The following LINGO2 variants were observed in gnomAD, a reference collection of about 807,000 sequenced individuals.
LINGO2 encodes leucine-rich repeat and immunoglobulin-like domain-containing nogo receptor-interacting protein 2.
Under a neutral mutation model 30.6 loss-of-function variants are expected in LINGO2, and 14 were observed. The observed-to-expected ratio is 0.46, with a 90% CI of 0.30 to 0.72. LINGO2 has a LOEUF of 0.72. Ranked by LOEUF, LINGO2 falls within the 30% of genes least tolerant of loss-of-function variation. The pLI, the probability that LINGO2 is intolerant of heterozygous loss-of-function variation, is 0.07. For synonymous variants in LINGO2, 317 were observed against 288.5 expected, an observed-to-expected ratio of 1.10 and a Z score of -1.00; for missense variants, 729 against 751.7, an observed-to-expected ratio of 0.97 and a Z score of 0.35.
the LINGO2 span, among the ~76,000 whole-genome samples, chr9:28,999,727 G>C: frequency 3.8e-4 from 58 of 151,998 alleles, no homozygotes; most frequent in African/African-American, 1.3e-3. Flanking sequence ...GGAAAAAATA[G>C]GGATAATTTT....
the LINGO2 span, among the ~76,000 whole-genome samples, chr9:28,934,283 T>A: frequency 4.6e-5 from 7 of 152,228 alleles, no homozygotes; most frequent in Admixed American, 3.9e-4. Flanking sequence ...AAAATAGAAC[T>A]TAAAGGCAAT....
chr9:28,798,708 T>A, the LINGO2 span, among the ~76,000 whole-genome samples: 21 of 152,254 alleles, frequency 1.4e-4, no homozygotes, highest in African/African-American at 4.6e-4. Flanking sequence ...CATGTTCAGC[T>A]GCACGGTTGC....
chr9:29,086,465 C>A, the LINGO2 span, among the ~76,000 whole-genome samples: 1 of 151,808 alleles, frequency 6.6e-6, no homozygotes, highest in Non-Finnish European at 1.5e-5. Flanking sequence ...TTAGTTCAGG[C>A]ATTATGAGTT....
intron 4 of LINGO2, among the ~76,000 whole-genome samples, chr9:28,086,096 A>G (rs1245702002): frequency 6.6e-6 from 1 of 152,128 alleles, no homozygotes; most frequent in Non-Finnish European, 1.5e-5. Context: ...GCATTTGGAC[A>G]AGGAGCTAGC....
At chr9:28,536,057 G>A (rs542833058) in intron 1 of LINGO2, among the ~76,000 whole-genome samples, 33 of 151,700 alleles carry the variant, frequency 2.2e-4, no homozygotes, top group African/African-American at 5.8e-4. Context: ...ATTTTTTTTG[G>A]TCACTTAAGA....
At chr9:28,221,287 C>G (rs10733427) in intron 4 of LINGO2, among the ~76,000 whole-genome samples, 112,151 of 130,032 alleles carry the variant, frequency 0.86, 48,564 homozygotes, top group Non-Finnish European at 0.9. Flanking sequence ...GTGACAGAGC[C>G]AGACCCCGTC....
chr9:28,230,042 CA>C (rs977480641), intron 4 of LINGO2, among the ~76,000 whole-genome samples: 38 of 151,426 alleles, frequency 2.5e-4, no homozygotes, highest in South Asian at 1.7e-3. Context: ...AAAAGAAAAC[CA>C]AAACTCAAAA....
At chr9:28,412,250 G>T (rs932129875) in intron 2 of LINGO2, among the ~76,000 whole-genome samples, 5 of 149,860 alleles carry the variant, frequency 3.3e-5, no homozygotes, top group Non-Finnish European at 5.9e-5. Flanking sequence ...TGGTGGGGTG[G>T]TATCTCATTG....
chr9:28,949,316 G>A, the LINGO2 span, among the ~76,000 whole-genome samples: 1 of 152,030 alleles, frequency 6.6e-6, no homozygotes, highest in Non-Finnish European at 1.5e-5. Flanking sequence ...ATAAATCCAG[G>A]AGCTGGGTTT....
intron 1 of LINGO2, among the ~76,000 whole-genome samples, chr9:28,515,491 C>G (rs950559242): frequency 6.6e-6 from 1 of 152,186 alleles, no homozygotes; most frequent in Non-Finnish European, 1.5e-5. Context: ...CAGGCGTGAA[C>G]CGCTGCGCCT....
intron 3 of LINGO2, among the ~76,000 whole-genome samples, chr9:28,345,008 A>G (rs1306878343): frequency 6.6e-6 from 1 of 152,088 alleles, no homozygotes; most frequent in Non-Finnish European, 1.5e-5. Flanking sequence ...GTGGTAGTTC[A>G]CTGACTCAAT....
chr9:28,437,939 T>C (rs993234544), intron 2 of LINGO2, among the ~76,000 whole-genome samples: 1 of 152,206 alleles, frequency 6.6e-6, no homozygotes, highest in East Asian at 1.9e-4. Flanking sequence ...CTTCCAAATG[T>C]ATTTCTTACA....
At chr9:28,054,033 A>G (rs1388204131) in intron 4 of LINGO2, among the ~76,000 whole-genome samples, 3 of 151,756 alleles carry the variant, frequency 2.0e-5, no homozygotes, top group Non-Finnish European at 4.4e-5. Context: ...CTGCATCTAC[A>G]GAGTACGTGG....
chr9:28,274,263 A>G (rs1284925542), intron 4 of LINGO2, among the ~76,000 whole-genome samples: 3 of 151,936 alleles, frequency 2.0e-5, no homozygotes, highest in South Asian at 2.1e-4. Flanking sequence ...CCTTATACAA[A>G]CCTCTATTCT....
chr9:29,159,113 C>T, the LINGO2 span, among the ~76,000 whole-genome samples: 12 of 152,188 alleles, frequency 7.9e-5, no homozygotes, highest in African/African-American at 2.9e-4. Flanking sequence ...GCACTATACT[C>T]AAATCTCAGG....
intron 3 of LINGO2, among the ~76,000 whole-genome samples, chr9:28,360,939 C>T (rs538510148): frequency 3.9e-5 from 6 of 152,300 alleles, no homozygotes; most frequent in Admixed American, 3.3e-4. Flanking sequence ...TAGTCCCCCC[C>T]TTATTTGTGG....
chr9:28,291,813 G>A (rs553667637), intron 4 of LINGO2, among the ~76,000 whole-genome samples: 3 of 152,148 alleles, frequency 2.0e-5, no homozygotes, highest in South Asian at 4.1e-4. Flanking sequence ...TTCCAAATTT[G>A]AGAAAAAGTA....
the LINGO2 span, among the ~76,000 whole-genome samples, chr9:29,102,458 C>A: frequency 2.0e-5 from 3 of 151,980 alleles, no homozygotes; most frequent in South Asian, 2.1e-4. Flanking sequence ...TGGGAGCTGG[C>A]GTATAAAAGA....
intron 5 of LINGO2, among the ~76,000 whole-genome samples, chr9:27,953,119 GT>G (rs1469770491): frequency 1.3e-5 from 2 of 152,110 alleles, no homozygotes; most frequent in African/African-American, 4.8e-5. Flanking sequence ...GTTTTTGCCT[GT>G]CATATTGATA....
Sources: allele counts gnomAD v4.1 joint callset (sites outside exome capture counted in the v4.1 genomes callset), GRCh38; gene constraint gnomAD v4.1.1; transcripts MANE v1.5; gene names NCBI Gene and HGNC (gene_info 2026-07-23, HGNC 2026-07-21).